PRDM11: variants seen among roughly 807,000 people sequenced by gnomAD.
PRDM11 encodes PR domain-containing protein 11.
Under a neutral mutation model 97.8 loss-of-function variants are expected in PRDM11, and 20 were observed. That is an observed-to-expected ratio of 0.20 (90% CI 0.14 to 0.30). The LOEUF (loss-of-function observed/expected upper bound fraction) is 0.30. Among genes scored for constraint, PRDM11 ranks in the 10% least tolerant of loss-of-function variants. The pLI, the probability that PRDM11 is intolerant of heterozygous loss-of-function variation, is 1.00. For synonymous variants in PRDM11, 599 were observed against 637.7 expected (o/e 0.94, Z 0.91); for missense variants, 1,139 against 1,555.2 (o/e 0.73, Z 4.50).
In PRDM11 at chr11:45,183,017, G is replaced by C; in HGVS notation, c.380G>C (p.Ser127Thr). The C allele has an allele frequency of 6.2e-7, 1 of 1,614,142 alleles. No individual in the cohort carries two copies. Among genetic ancestry groups the C allele is most frequent in the Non-Finnish European group, 8.5e-7 (1 of 1,180,018 alleles). Residue 127 changes from serine (S) to threonine (T), a missense_variant, in exon 4 of 8, where the codon AGT becomes ACT. Physicochemically the swap from Ser to Thr is moderately conservative, Grantham distance 58 (BLOSUM62 1). Transcript: ENST00000683152. Reference protein sequence around the residue: ...MEVVKDTSGESDVRCVNEVIP... With the variant: ...MEVVKDTSGETDVRCVNEVIP... The stretch of plus-strand genomic sequence containing the variant: ...GTGGTCAAGGACACTAGTGGAGAGA[G>C]TGACGTGCGATGTGTAAACGAGGTC...
intron 1 of PRDM11, among the ~76,000 whole-genome samples, chr11:45,177,601 G>A (rs1590407978): frequency 6.6e-6 from 1 of 152,192 alleles, no homozygotes; most frequent in South Asian, 2.1e-4. Context: ...CTATTTCAAA[G>A]TAGAGATGTC....
intron 1 of PRDM11, among the ~76,000 whole-genome samples, chr11:45,178,231 C>A (rs1215265389): frequency 6.6e-6 from 1 of 152,110 alleles, no homozygotes; most frequent in African/African-American, 2.4e-5. Flanking sequence ...CTTCCGCATC[C>A]CTCTGTGCCC....
intron 5 of PRDM11, chr11:45,208,815 G>A: frequency 2.7e-6 from 1 of 375,300 alleles, no homozygotes; most frequent in South Asian, 2.0e-5. Context: ...TTAGGAAGGA[G>A]AACCACCTGC....
intron 1 of PRDM11, among the ~76,000 whole-genome samples, chr11:45,121,952 A>G (rs936835781): frequency 1.3e-5 from 2 of 152,128 alleles, no homozygotes; most frequent in African/African-American, 4.8e-5. Context: ...CTTAAATGCA[A>G]TTCTTAGAGA....
intron 1 of PRDM11, among the ~76,000 whole-genome samples, chr11:45,099,450 TAAAAAAAA>T (rs532403075): frequency 1.5e-4 from 14 of 95,242 alleles, no homozygotes; most frequent in African/African-American, 2.5e-4. Flanking sequence ...GACTCCATCT[TAAAAAAAA>T]AAAAAAAAAA....
chr11:45,122,227 A>ACG (rs1852449120), intron 1 of PRDM11, among the ~76,000 whole-genome samples: 1 of 139,934 alleles, frequency 7.1e-6, no homozygotes, highest in Non-Finnish European at 1.6e-5. Flanking sequence ...ACACACACAC[A>ACG]CACACACACA....
At chr11:45,126,263 ACT>A (rs1370063251) in intron 1 of PRDM11, among the ~76,000 whole-genome samples, 1 of 151,828 alleles carries the variant, frequency 6.6e-6, no homozygotes, top group African/African-American at 2.4e-5. Flanking sequence ...TGAATACAGC[ACT>A]CTGATGAGTC....
intron 1 of PRDM11, among the ~76,000 whole-genome samples, chr11:45,173,165 C>A (rs963679014): frequency 1.3e-5 from 2 of 152,104 alleles, no homozygotes; most frequent in Admixed American, 6.5e-5. Flanking sequence ...GAACCTGAGC[C>A]CAGCCCTGGT....
Position 45,217,117 on chromosome 11 carries a change from C to T in PRDM11, c.555-2453C>T, listed in dbSNP as rs145206469. ...GGAACAACTTCTATTCTGTGCTAAC[C>T]GCAAGGTTGATTATTTTTGGATGTC... On this transcript the variant is annotated intron_variant, in intron 5 of 7. Transcript: ENST00000683152. Among the ~76,000 whole-genome samples the T allele has an allele frequency of 2.6e-4, 39 of 152,288 alleles. No individual in the cohort carries two copies. In the East Asian group the frequency reaches 4.4e-3, roughly 17 times the overall value.
chr11:45,148,259 C>G (rs192280916), intron 1 of PRDM11, among the ~76,000 whole-genome samples: 10 of 152,316 alleles, frequency 6.6e-5, no homozygotes, highest in Admixed American at 1.3e-4. Flanking sequence ...CTCATAGTCA[C>G]TGTCTGACTT....
chr11:45,223,670 A>G (rs935150359), intron 6 of PRDM11, among the ~76,000 whole-genome samples: 9 of 152,266 alleles, frequency 5.9e-5, no homozygotes, highest in Admixed American at 6.5e-5. Context: ...GGAGAATTAG[A>G]AAGGACAGTT....
chr11:45,155,239 G>A (rs1331046808), intron 1 of PRDM11, among the ~76,000 whole-genome samples: 2 of 152,246 alleles, frequency 1.3e-5, no homozygotes, highest in Admixed American at 6.5e-5. Flanking sequence ...CAAGGGAAAG[G>A]GGTGAGGGCC....
chr11:45,113,788 T>TTG (rs142584346), intron 1 of PRDM11, among the ~76,000 whole-genome samples: 2,182 of 137,172 alleles, frequency 0.016, 70 homozygotes, highest in East Asian at 0.13. Context: ...TGCTACTGAT[T>TTG]TGTGTGTGTG....
chr11:45,102,715 C>A (rs929928733), intron 1 of PRDM11, among the ~76,000 whole-genome samples: 5 of 152,240 alleles, frequency 3.3e-5, no homozygotes, highest in Non-Finnish European at 7.3e-5. Context: ...GGGCCCCCAG[C>A]CCTGTGCTGG....
chr11:45,197,432 G>A (rs987111292), intron 4 of PRDM11, among the ~76,000 whole-genome samples: 6 of 152,130 alleles, frequency 3.9e-5, no homozygotes, highest in African/African-American at 1.4e-4. Context: ...GTACAGCATA[G>A]AGCCTATAGT....
intron 5 of PRDM11, chr11:45,208,799 C>T: frequency 2.7e-6 from 1 of 368,466 alleles, no homozygotes; most frequent in Non-Finnish European, 5.5e-6. Flanking sequence ...AGCTGGGGGC[C>T]AGCAATTAGG....
rs202224995 is a variant in PRDM11, at chr11:45,109,172, ACCT to A, written c.96+13275_96+13277del. 2.4e-4 allele frequency among the ~76,000 whole-genome samples: 37 copies of A among 152,192 alleles called. 1 individual carries two copies. The East Asian group carries it at 5.6e-3, about 23-fold the overall frequency. On this transcript the variant is annotated intron_variant, in intron 1 of 6. Coordinates refer to the PRDM11 transcript ENST00000530656. Reference sequence around the variant, plus strand: ...TGTGCTTAGGCACCCTCTTTGGGTCACCTCCTATTTCTGTCCCTCTGAAACTGC... The same window carrying A: ...TGTGCTTAGGCACCCTCTTTGGGTCACCTATTTCTGTCCCTCTGAAACTGC...
At chr11:45,190,444 G>A (rs774779102) in intron 4 of PRDM11, among the ~76,000 whole-genome samples, 20 of 150,718 alleles carry the variant, frequency 1.3e-4, no homozygotes, top group Non-Finnish European at 2.1e-4. Flanking sequence ...CACCGCGCCC[G>A]GCCATACATT....
chr11:45,185,830 GTGA>G (rs1160647687), intron 4 of PRDM11, among the ~76,000 whole-genome samples: 1 of 152,120 alleles, frequency 6.6e-6, no homozygotes, highest in South Asian at 2.1e-4. Flanking sequence ...TTTTGCACAT[GTGA>G]TTAAGTTAAG....
Sources: gnomAD v4.1 joint callset for allele counts (sites outside exome capture counted in the v4.1 genomes callset) on GRCh38, gnomAD v4.1.1 for gene constraint, MANE v1.5 for transcripts, NCBI Gene and HGNC (gene_info 2026-07-23, HGNC 2026-07-21) for gene names.